PPARGC1A: variants seen among roughly 807,000 people sequenced by gnomAD.
The protein encoded by PPARGC1A is peroxisome proliferator-activated receptor gamma coactivator 1-alpha.
A neutral mutation model predicts 88.7 loss-of-function variants in PPARGC1A; 25 were observed. The observed-to-expected ratio is 0.28, with a 90% CI of 0.21 to 0.39. The LOEUF is 0.39. Ranked by LOEUF, PPARGC1A falls within the 10% of genes least tolerant of loss-of-function variation. The pLI is 1.00. For missense variants in PPARGC1A, 880 were observed against 968.7 expected (o/e 0.91, Z 1.22); for synonymous variants, 363 against 355.6 (o/e 1.02, Z -0.24).
At chr4:24,315,861 G>A in the PPARGC1A span, among the ~76,000 whole-genome samples, 3 of 152,076 alleles carry the variant, frequency 2.0e-5, no homozygotes, top group Non-Finnish European at 2.9e-5. Context: ...GGTCCTTTCC[G>A]GGCATTCAAA....
At chr4:24,284,433 C>A in the PPARGC1A span, among the ~76,000 whole-genome samples, 2 of 152,222 alleles carry the variant, frequency 1.3e-5, no homozygotes, top group East Asian at 3.9e-4. Flanking sequence ...CTTAACCACT[C>A]CATTCACTTC....
At chr4:23,834,058 G>A (rs1725551565) in intron 2 of PPARGC1A, among the ~76,000 whole-genome samples, 1 of 152,200 alleles carries the variant, frequency 6.6e-6, no homozygotes, top group Admixed American at 6.5e-5. Flanking sequence ...CCAGCACTTT[G>A]GTAGGTTGAG....
the PPARGC1A span, among the ~76,000 whole-genome samples, chr4:24,389,463 T>A: frequency 6.6e-6 from 1 of 152,224 alleles, no homozygotes; most frequent in African/African-American, 2.4e-5. Flanking sequence ...GTGCTTCTGG[T>A]TCCTCATTTG....
chr4:24,454,836 C>G, the PPARGC1A span, among the ~76,000 whole-genome samples: 6 of 151,760 alleles, frequency 4.0e-5, no homozygotes, highest in African/African-American at 1.5e-4. Flanking sequence ...GGCAAGAGGT[C>G]TTATTTTGAA....
chr4:23,998,659 G>A, the PPARGC1A span, among the ~76,000 whole-genome samples: 1 of 152,156 alleles, frequency 6.6e-6, no homozygotes, highest in Non-Finnish European at 1.5e-5. Flanking sequence ...TAGAGTACAT[G>A]GGCCAGATAT....
the PPARGC1A span, among the ~76,000 whole-genome samples, chr4:24,433,367 C>G: frequency 6.6e-6 from 1 of 152,024 alleles, no homozygotes; most frequent in Non-Finnish European, 1.5e-5. Flanking sequence ...CTGGGGGGGA[C>G]AGGCAATTCT....
At chr4:24,292,602 C>T in the PPARGC1A span, among the ~76,000 whole-genome samples, 1 of 109,708 alleles carries the variant, frequency 9.1e-6, no homozygotes, top group Admixed American at 8.9e-5. Flanking sequence ...ATCCCTACCC[C>T]CTCACCCTCA....
chr4:24,080,575 T>G, the PPARGC1A span, among the ~76,000 whole-genome samples: 2 of 152,138 alleles, frequency 1.3e-5, no homozygotes, highest in Admixed American at 6.6e-5. Flanking sequence ...TAGACACCCT[T>G]GTCATGATCC....
At chr4:24,449,063 G>T in the PPARGC1A span, among the ~76,000 whole-genome samples, 2 of 152,192 alleles carry the variant, frequency 1.3e-5, no homozygotes, top group African/African-American at 4.8e-5. Flanking sequence ...CCACATACCA[G>T]TGAAACTACT....
At chr4:24,022,904 A>T in the PPARGC1A span, among the ~76,000 whole-genome samples, 1 of 152,186 alleles carries the variant, frequency 6.6e-6, no homozygotes, top group South Asian at 2.1e-4. Context: ...TATAAAACTA[A>T]AAATAATCCA....
At chr4:24,161,193 T>C in the PPARGC1A span, among the ~76,000 whole-genome samples, 2 of 152,208 alleles carry the variant, frequency 1.3e-5, no homozygotes, top group Admixed American at 6.5e-5. Context: ...CAGGTCCCCC[T>C]TGAGCAAGTA....
chr4:24,273,461 C>T, the PPARGC1A span, among the ~76,000 whole-genome samples: 571 of 152,250 alleles, frequency 3.8e-3, 7 homozygotes, highest in African/African-American at 0.013. Context: ...GGGACTGGGA[C>T]CTTCTTATGC....
chr4:24,382,854 A>G, the PPARGC1A span, among the ~76,000 whole-genome samples: 1 of 152,218 alleles, frequency 6.6e-6, no homozygotes, highest in Non-Finnish European at 1.5e-5. Context: ...TGAAGAGAGC[A>G]GCAGATCTCC....
At chr4:23,801,377 A>G (rs913953601) in intron 12 of PPARGC1A, among the ~76,000 whole-genome samples, 2 of 152,090 alleles carry the variant, frequency 1.3e-5, no homozygotes, top group Non-Finnish European at 2.9e-5. Context: ...CACAATATCC[A>G]CAGAGATACA....
At chr4:24,302,428 C>T in the PPARGC1A span, among the ~76,000 whole-genome samples, 1 of 152,194 alleles carries the variant, frequency 6.6e-6, no homozygotes. Flanking sequence ...CATCTGACCA[C>T]TCTCTTCCTC....
chr4:24,071,372 A>G, the PPARGC1A span, among the ~76,000 whole-genome samples: 1 of 152,202 alleles, frequency 6.6e-6, no homozygotes, highest in Non-Finnish European at 1.5e-5. Context: ...TCAAGTATGG[A>G]AAGATATTTA....
the PPARGC1A span, among the ~76,000 whole-genome samples, chr4:24,089,500 CT>C: frequency 3.2e-5 from 3 of 94,254 alleles, no homozygotes; most frequent in African/African-American, 8.5e-5. Flanking sequence ...CTTTTCTTTT[CT>C]TTTCTTTTCT....
At chr4:24,240,444 C>G in the PPARGC1A span, among the ~76,000 whole-genome samples, 1 of 152,170 alleles carries the variant, frequency 6.6e-6, no homozygotes, top group Non-Finnish European at 1.5e-5. Flanking sequence ...GCTTCTACAG[C>G]TGTTGTTAAA....
chr4:23,815,837 A>T (rs1200894343), intron 7 of PPARGC1A, among the ~76,000 whole-genome samples: 1 of 152,174 alleles, frequency 6.6e-6, no homozygotes, highest in African/African-American at 2.4e-5. Flanking sequence ...CAAGTCTGCT[A>T]ACAAGCCTGG....
Sources: allele counts gnomAD v4.1 joint callset (sites outside exome capture counted in the v4.1 genomes callset), GRCh38; gene constraint gnomAD v4.1.1; transcripts MANE v1.5; gene names NCBI Gene and HGNC (gene_info 2026-07-23, HGNC 2026-07-21).